Variants in AFF1 observed in about 807,000 individuals in gnomAD.
The protein encoded by AFF1 is ALF transcription elongation factor 1.
In AFF1, 48 loss-of-function variants were observed where a neutral mutation model predicts 121.7. That is an observed-to-expected ratio of 0.39 (90% CI 0.31 to 0.50). The LOEUF is 0.50. Ranked by LOEUF, AFF1 falls within the 20% of genes least tolerant of loss-of-function variation. AFF1 has a pLI of 0.76. For synonymous variants in AFF1, 613 were observed against 563.0 expected (o/e 1.09, Z -1.26); for missense variants, 1,523 against 1,511.7 (o/e 1.01, Z -0.12).
At chr4:87,129,887 G>C (rs1409539097) in intron 16 of AFF1, among the ~76,000 whole-genome samples, 3 of 152,106 alleles carry the variant, frequency 2.0e-5, no homozygotes, top group African/African-American at 4.8e-5. Flanking sequence ...TAAGTAGCAT[G>C]ACAGCCCATA....
At chr4:86,935,858 C>T (rs1182485579) in intron 1 of AFF1, 2 of 152,138 alleles carry the variant, frequency 1.3e-5, no homozygotes, top group African/African-American at 2.4e-5. Flanking sequence ...GTTAATTTCT[C>T]TTGATAATGC....
rs190486413 is a variant in AFF1, at chr4:86,984,516, G to T, written c.38+35945G>T. Among the ~76,000 whole-genome samples the T allele has an allele frequency of 2.0e-3, 298 of 152,064 alleles. 1 individual carries two copies. Among genetic ancestry groups the T allele is most frequent in the Non-Finnish European group, 1.2e-3 (82 of 67,990 alleles). On this transcript the variant is annotated intron_variant, in intron 2 of 20. Transcript: ENST00000395146. ...TCTTTTGTGTTTTAGTAGAGACAGG[G>T]TTTCACCGTGTTGCCCAGGCTAGTC...
At chr4:87,063,177 A>G (rs1282586161) in intron 4 of AFF1, among the ~76,000 whole-genome samples, 3 of 141,108 alleles carry the variant, frequency 2.1e-5, no homozygotes, top group East Asian at 2.3e-4. Context: ...CATCATAATT[A>G]TAGCAGTTAT....
At chr4:87,090,456 G>A (rs1724184391) in intron 6 of AFF1, among the ~76,000 whole-genome samples, 2 of 152,138 alleles carry the variant, frequency 1.3e-5, no homozygotes, top group African/African-American at 4.8e-5. Flanking sequence ...AGTTTAATGT[G>A]ATCAGTTACA....
At position 87,135,857 on chromosome 4, in the gene AFF1, G is replaced by A. The variant is rs953619436; in HGVS notation, c.*156G>A. 1.7e-6 allele frequency: 2 copies of A among 1,187,392 alleles called. No homozygotes were observed. The highest frequency in any genetic ancestry group is 2.2e-5 in the South Asian group (1 of 44,824). The allele number at this position is 1,187,392 out of a possible 1,614,324, so 73.6% of individuals were successfully genotyped here. The stretch of plus-strand genomic sequence containing the variant: ...TTGTCCACTTAAACTCTCAACAACA[G>A]TGTGATCATTGGTTGGACACTGTGG... On this transcript the variant is annotated 3_prime_UTR_variant, in exon 21 of 21. Coordinates refer to ENST00000395146, the MANE Select transcript of AFF1 (RefSeq NM_001166693.3).
intron 7 of AFF1, among the ~76,000 whole-genome samples, chr4:87,092,426 T>G (rs1002121752): frequency 2.3e-4 from 35 of 152,176 alleles, no homozygotes; most frequent in African/African-American, 7.2e-4. Flanking sequence ...TATACAACAG[T>G]AGATTGGAGT....
At chr4:87,092,071 C>T (rs544995681) in intron 7 of AFF1, among the ~76,000 whole-genome samples, 223 of 152,260 alleles carry the variant, frequency 1.5e-3, no homozygotes, top group Non-Finnish European at 2.4e-3. Context: ...ATCGCTTGAG[C>T]CTAGGAGTTG....
intron 4 of AFF1, among the ~76,000 whole-genome samples, chr4:87,060,864 A>AAAAAAAAAAAAAAAAC (rs1268072173): frequency 2.0e-5 from 1 of 49,140 alleles, no homozygotes; most frequent in Non-Finnish European, 3.9e-5. Context: ...AAAAAAAAAA[A>AAAAAAAAAAAAAAAAC]AAACACAAAA....
intron 10 of AFF1, 43 bp downstream of exon 10, chr4:87,105,888 T>G: frequency 6.2e-7 from 1 of 1,604,762 alleles, no homozygotes; most frequent in South Asian, 1.1e-5. Context: ...ATGTTTGCAA[T>G]TTTTTACCAA....
At chr4:87,031,608 G>A (rs1308350381) in intron 2 of AFF1, among the ~76,000 whole-genome samples, 1 of 152,116 alleles carries the variant, frequency 6.6e-6, no homozygotes, top group Admixed American at 6.5e-5. Context: ...TTGAAGTACA[G>A]AAAGCCATAG....
chr4:86,944,853 C>G (rs1166194387), intron 1 of AFF1, among the ~76,000 whole-genome samples: 4 of 152,162 alleles, frequency 2.6e-5, no homozygotes, highest in Non-Finnish European at 5.9e-5. Flanking sequence ...ATAAAACTTA[C>G]ATATATGTGT....
In AFF1 at chr4:87,135,535, G is replaced by T. The variant is rs2149807873; in HGVS notation, c.3536-45G>T. On this transcript the variant is annotated intron_variant, in intron 20 of 20. Transcript: ENST00000395146. ...TGTTTCCATTTTAATTTTTGTGTGT[G>T]CTTGTGTATTTACTTGTTTTTGTTT... The T allele has an allele frequency of 2.0e-6, 3 of 1,477,906 alleles. No individual in the cohort carries two copies. In the East Asian group the frequency reaches 7.5e-5, roughly 37 times the overall value. The allele number at this position is 1,477,906 out of a possible 1,614,324, so 91.5% of individuals were successfully genotyped here. A position where few individuals can be genotyped will look rare whatever the true frequency, so the allele number is the denominator to read the frequency against.
At chr4:87,086,316 G>A (rs1723729957) in intron 5 of AFF1, among the ~76,000 whole-genome samples, 1 of 152,082 alleles carries the variant, frequency 6.6e-6, no homozygotes, top group African/African-American at 2.4e-5. Flanking sequence ...GCTCCTCTTA[G>A]GTTTCGGTGT....
chr4:86,979,337 G>A (rs1343971336), intron 2 of AFF1, among the ~76,000 whole-genome samples: 1 of 152,084 alleles, frequency 6.6e-6, no homozygotes, highest in African/African-American at 2.4e-5. Context: ...GACCTCAGGT[G>A]ATCCTCCCGC....
intron 2 of AFF1, among the ~76,000 whole-genome samples, chr4:86,975,125 A>G (rs1723212802): frequency 1.3e-5 from 2 of 151,868 alleles, no homozygotes; most frequent in African/African-American, 4.8e-5. Context: ...ATACAACCTC[A>G]GTTTTTGCTC....
chr4:87,098,978 C>A (rs1278467670), intron 8 of AFF1, among the ~76,000 whole-genome samples: 5 of 152,188 alleles, frequency 3.3e-5, no homozygotes, highest in Non-Finnish European at 7.3e-5. Context: ...AGGGAAGACT[C>A]ATTCTGTTTA....
intron 2 of AFF1, among the ~76,000 whole-genome samples, chr4:87,024,948 C>T (rs1330680462): frequency 6.6e-6 from 1 of 152,224 alleles, no homozygotes; most frequent in East Asian, 1.9e-4. Flanking sequence ...TAGAATAAAA[C>T]ATTTTTCCAC....
At chr4:86,977,363 A>C (rs961829036) in intron 2 of AFF1, among the ~76,000 whole-genome samples, 2 of 152,180 alleles carry the variant, frequency 1.3e-5, no homozygotes, top group African/African-American at 4.8e-5. Context: ...AATTGTGTGC[A>C]ATTTAAAACT....
intron 2 of AFF1, among the ~76,000 whole-genome samples, 198 bp from the exon 3 acceptor site, chr4:87,045,968 C>CT (rs1388758192): frequency 2.0e-5 from 3 of 152,244 alleles, no homozygotes; most frequent in Admixed American, 1.3e-4. Context: ...GGACCCCAGG[C>CT]TGGAGGGTCA....
Sources: gnomAD v4.1 joint callset for allele counts (sites outside exome capture counted in the v4.1 genomes callset) on GRCh38, gnomAD v4.1.1 for gene constraint, MANE v1.5 for transcripts, NCBI Gene and HGNC (gene_info 2026-07-23, HGNC 2026-07-21) for gene names.